TTC28: variants seen among roughly 807,000 people sequenced by gnomAD.
TTC28 encodes the protein tetratricopeptide repeat domain 28, also known as tetratricopeptide repeat protein 28.
TTC28 carries 61 observed loss-of-function variants against 198.0 expected under a neutral mutation model. The observed-to-expected ratio is 0.31, with a 90% CI of 0.25 to 0.38. TTC28 has a LOEUF of 0.38. TTC28 is among the 10% of genes least tolerant of loss of function. TTC28 has a pLI of 1.00. For synonymous variants in TTC28, 1,171 were observed against 1,297.8 expected, an observed-to-expected ratio of 0.90 and a Z score of 2.10; for missense variants, 2,678 against 3,164.0, an observed-to-expected ratio of 0.85 and a Z score of 3.69.
At chr22:28,327,015 C>G (rs1200611216) in intron 2 of TTC28, among the ~76,000 whole-genome samples, 22 of 143,606 alleles carry the variant, frequency 1.5e-4, no homozygotes, top group African/African-American at 2.3e-4. Flanking sequence ...CACACACACA[C>G]AGCAAGCCCT....
intron 2 of TTC28, among the ~76,000 whole-genome samples, chr22:28,430,003 G>A (rs1290783646): frequency 7.0e-6 from 1 of 142,950 alleles, no homozygotes. Flanking sequence ...GGATGGATGT[G>A]TAAGTTCTCT....
intron 2 of TTC28, among the ~76,000 whole-genome samples, chr22:28,453,498 C>T (rs1024238780): frequency 6.6e-6 from 1 of 152,210 alleles, no homozygotes; most frequent in East Asian, 1.9e-4. Flanking sequence ...TAACACACAT[C>T]TCAGACTTAC....
At position 28,011,233 on chromosome 22, in the gene TTC28, T is replaced by C. The variant is rs571805797; in HGVS notation, c.4218+3015A>G. Among the ~76,000 whole-genome samples the C allele has an allele frequency of 2.0e-5, 3 of 152,344 alleles. No individual in the cohort carries two copies. The East Asian group carries it at 5.8e-4, about 29-fold the overall frequency. The stretch of plus-strand genomic sequence containing the variant: ...AGGCCTACATGTCACTTCATTCACA[T>C]GGACTCAGTGTAGTAGTCAGCATGT... On this transcript the variant is annotated intron_variant, in intron 14 of 22. Coordinates refer to ENST00000397906, the MANE Select transcript of TTC28 (RefSeq NM_001145418.2).
chr22:28,035,511 T>C (rs1286380970), intron 12 of TTC28, among the ~76,000 whole-genome samples: 2 of 152,220 alleles, frequency 1.3e-5, no homozygotes, highest in African/African-American at 4.8e-5. Flanking sequence ...CAGCACCCTA[T>C]GTTGCGGATT....
intron 2 of TTC28, among the ~76,000 whole-genome samples, chr22:28,354,029 G>A (rs1358081643): frequency 6.6e-6 from 1 of 152,160 alleles, no homozygotes; most frequent in African/African-American, 2.4e-5. Context: ...AAAATGGGGG[G>A]AAAAGGTGCT....
At chr22:28,540,136 C>T (rs975746995) in intron 2 of TTC28, among the ~76,000 whole-genome samples, 6 of 151,786 alleles carry the variant, frequency 4.0e-5, no homozygotes, top group African/African-American at 9.7e-5. Flanking sequence ...TTAGTAGAGA[C>T]GGGGTTTCAT....
intron 2 of TTC28, among the ~76,000 whole-genome samples, chr22:28,477,340 T>C (rs2048180940): frequency 6.6e-6 from 1 of 152,196 alleles, no homozygotes; most frequent in South Asian, 2.1e-4. Context: ...CAACTGCTCT[T>C]AGAATAAAAC....
chr22:28,336,956 T>G (rs1187756276), intron 2 of TTC28, among the ~76,000 whole-genome samples: 1 of 152,220 alleles, frequency 6.6e-6, no homozygotes, highest in Non-Finnish European at 1.5e-5. Flanking sequence ...AGATCTTTCC[T>G]GCTTTCTCTT....
intron 1 of TTC28, among the ~76,000 whole-genome samples, chr22:28,644,636 G>A (rs2051425608): frequency 6.6e-6 from 1 of 151,940 alleles, no homozygotes; most frequent in Non-Finnish European, 1.5e-5. Context: ...ACCAGCCTGG[G>A]CAACAAGGTG....
At chr22:28,469,678 A>G (rs1395285440) in intron 2 of TTC28, among the ~76,000 whole-genome samples, 1 of 152,230 alleles carries the variant, frequency 6.6e-6, no homozygotes, top group Non-Finnish European at 1.5e-5. Flanking sequence ...ACAGCTCTAT[A>G]TAATGGAAAA....
At chr22:28,344,824 A>G (rs1465742986) in intron 2 of TTC28, among the ~76,000 whole-genome samples, 1 of 152,174 alleles carries the variant, frequency 6.6e-6, no homozygotes, top group Non-Finnish European at 1.5e-5. Context: ...TCATTCTTTG[A>G]TTAATAAGGA....
chr22:27,982,879 G>C lies in TTC28; in HGVS notation c.6788C>G (p.Pro2263Arg). The change falls in exon 23 of 23, where the codon CCG becomes CGG. Residue 2263 changes from proline (P) to arginine (R), a missense_variant. Pro to Arg is a moderately radical substitution (Grantham distance 103). Around this residue, in one of 8 missense-constraint regions of TTC28, gnomAD observed 622 missense variants for 656.0 expected, o/e 0.95. Coordinates refer to ENST00000397906, the MANE Select transcript of TTC28 (RefSeq NM_001145418.2). The surrounding 1 kb of genome is among the most constrained non-coding windows in gnomAD (Gnocchi z 5.2). ...CGATGGCCGGCCACTGTGCTGGCTC[G>C]GGCTGTCTTTGATGGACATCTCTGA... is the stretch of plus-strand genomic sequence containing the variant. ...TTSEMSIKDS[P>R]SQHSGRPSPG... The C allele has an allele frequency of 1.9e-6, 3 of 1,550,558 alleles. No individual in the cohort carries two copies. The highest frequency in any genetic ancestry group is 2.6e-6 in the Non-Finnish European group (3 of 1,146,260).
chr22:28,463,342 G>T (rs148328087), intron 2 of TTC28, among the ~76,000 whole-genome samples: 1 of 152,254 alleles, frequency 6.6e-6, no homozygotes, highest in East Asian at 1.9e-4. Context: ...AACCACTGTG[G>T]AAGACAGTGT....
At chr22:28,304,878 T>C (rs760602805) in intron 3 of TTC28, among the ~76,000 whole-genome samples, 2 of 152,060 alleles carry the variant, frequency 1.3e-5, no homozygotes, top group African/African-American at 2.4e-5. Flanking sequence ...AAAGGAGAGA[T>C]AGGATGATTT....
chr22:28,615,704 C>A (rs1182951572), intron 2 of TTC28, among the ~76,000 whole-genome samples: 1 of 141,654 alleles, frequency 7.1e-6, no homozygotes, highest in East Asian at 2.1e-4. Context: ...GACAGAAAAC[C>A]AAAGACCACA....
At chr22:28,022,158 G>T (rs1041214197) in intron 13 of TTC28, among the ~76,000 whole-genome samples, 7 of 152,208 alleles carry the variant, frequency 4.6e-5, no homozygotes, top group African/African-American at 7.2e-5. Context: ...GGAGCCGAAG[G>T]CCTGGTGCTG....
At chr22:28,239,417 G>A (rs1194068720) in intron 5 of TTC28, among the ~76,000 whole-genome samples, 1 of 152,134 alleles carries the variant, frequency 6.6e-6, no homozygotes, top group African/African-American at 2.4e-5. Context: ...ACAAATCAAT[G>A]ACTTTTCTTA....
At chr22:28,655,812 C>A (rs907341568) in intron 1 of TTC28, among the ~76,000 whole-genome samples, 2 of 151,136 alleles carry the variant, frequency 1.3e-5, no homozygotes, top group African/African-American at 4.9e-5. Context: ...GATTGTGCCA[C>A]TGCACTCCAG....
intron 6 of TTC28, among the ~76,000 whole-genome samples, chr22:28,140,193 C>G (rs1943298269): frequency 6.6e-6 from 1 of 152,166 alleles, no homozygotes; most frequent in African/African-American, 2.4e-5. Flanking sequence ...CAGAGTATCA[C>G]AGTGATGACT....
Sources: allele counts gnomAD v4.1 joint callset (sites outside exome capture counted in the v4.1 genomes callset), GRCh38; gene constraint gnomAD v4.1.1; regional missense constraint gnomAD v4.1.1; non-coding constraint Gnocchi (gnomAD v3.1); transcripts MANE v1.5; gene names NCBI Gene and HGNC (gene_info 2026-07-23, HGNC 2026-07-21).